The following CUX1 variants were observed in gnomAD, a reference collection of about 807,000 sequenced individuals.
CUX1 encodes protein CASP.
A neutral mutation model predicts 158.8 loss-of-function variants in CUX1; 31 were observed. The observed-to-expected ratio is 0.20, with a 90% confidence interval of 0.15 to 0.26. The LOEUF is 0.26. Among genes scored for constraint, CUX1 ranks in the 10% least tolerant of loss-of-function variants. CUX1 has a pLI of 1.00. For synonymous variants in CUX1, 879 were observed against 862.1 expected (o/e 1.02, Z -0.34); for missense variants, 1,589 against 2,014.6 (o/e 0.79, Z 4.04).
intron 3 of CUX1, among the ~76,000 whole-genome samples, chr7:102,050,509 C>T (rs1211732020): frequency 2.0e-5 from 3 of 152,128 alleles, no homozygotes; most frequent in African/African-American, 2.4e-5. Flanking sequence ...CGTCATCCAA[C>T]GCCAGGCCTC....
At chr7:101,844,488 T>G (rs1490051463) in intron 1 of CUX1, among the ~76,000 whole-genome samples, 1 of 152,238 alleles carries the variant, frequency 6.6e-6, no homozygotes, top group Non-Finnish European at 1.5e-5. Context: ...GTTTTCTTTT[T>G]GCACAGAGAG....
At chr7:101,823,917 A>C (rs1361281227) in intron 1 of CUX1, among the ~76,000 whole-genome samples, 4 of 152,092 alleles carry the variant, frequency 2.6e-5, no homozygotes, top group Non-Finnish European at 5.9e-5. Flanking sequence ...GCATATGAAA[A>C]AACCAAACCA....
At position 102,111,706 on chromosome 7, in the gene CUX1, A is replaced by C; in HGVS notation, c.539A>C (p.Gln180Pro). Residue 180 changes from glutamine to proline, a missense_variant, in exon 7 of 24, where the codon CAG becomes CCG. Transcript: ENST00000292535. ...GTCCTCTTCCTTTGCAGAAAGCTGC[A>C]GGAGACACAGATGTCCACCACCTCA... ...NDFAEKERKL[Q>P]ETQMSTTSKL... The C allele has an allele frequency of 1.2e-6, 2 of 1,614,200 alleles. No homozygotes were observed. The highest frequency in any genetic ancestry group is 1.7e-6 in the Non-Finnish European group (2 of 1,180,016).
intron 23 of CUX1, 60 bp downstream of exon 23, chr7:102,239,644 G>A (rs1466115887): frequency 3.9e-6 from 6 of 1,552,638 alleles, no homozygotes; most frequent in African/African-American, 2.7e-5. Context: ...TGATCTGTCC[G>A]GAGGCCGCCA....
intron 22 of CUX1, among the ~76,000 whole-genome samples, chr7:102,236,841 C>T (rs1799618449): frequency 6.6e-6 from 1 of 152,218 alleles, no homozygotes; most frequent in Non-Finnish European, 1.5e-5. Flanking sequence ...CCAGGCCTCC[C>T]ATCTTTCCCT....
At chr7:101,988,220 AAG>A (rs1554442753) in intron 2 of CUX1, among the ~76,000 whole-genome samples, 18 of 146,936 alleles carry the variant, frequency 1.2e-4, no homozygotes, top group African/African-American at 2.5e-4. Flanking sequence ...CAAAAAAAAA[AAG>A]AAGAAGAAGC....
chr7:101,892,256 G>A lies in CUX1; in HGVS notation c.31-23859G>A, dbSNP rs971442468. Among the ~76,000 whole-genome samples, 188 of 152,160 alleles carry A rather than the reference G, an allele frequency of 1.2e-3. 4 individuals carry two copies. The highest frequency in any genetic ancestry group is 0.012 in the Admixed American group (186 of 15,274). On this transcript the variant is annotated intron_variant, in intron 1 of 23. Transcript: ENST00000292535. ...GTATCGTTCCTTTTTCTCCCATTTG[G>A]TGAAGTGGTGTAATGCTTTAGCACA...
Position 102,195,507 on chromosome 7 carries a change from G to T in CUX1, c.1126G>T (p.Asp376Tyr), listed in dbSNP as rs1554517985. 1 of 1,611,092 alleles carries T rather than the reference G, an allele frequency of 6.2e-7. No homozygotes were observed. Among genetic ancestry groups the T allele is most frequent in the Non-Finnish European group, 8.5e-7 (1 of 1,179,558 alleles). ...FAPSEGAGTQ[D>Y]AAKPLEVLLL... Reference sequence around the variant, plus strand: ...GAGACCCCCGCTCTGCCCCTTCTAGGATGCGGCCAAGCCCCTGGAGGTGCT... The same window carrying T: ...GAGACCCCCGCTCTGCCCCTTCTAGTATGCGGCCAAGCCCCTGGAGGTGCT... The change falls in exon 14 of 24, where the codon GAT (aspartate) becomes TAT (tyrosine). Residue 376 changes from aspartate (D) to tyrosine (Y), a missense_variant and splice_region_variant. Transcript: ENST00000292535.
intron 8 of CUX1, among the ~76,000 whole-genome samples, chr7:102,149,035 C>T (rs1554502840): frequency 6.6e-6 from 1 of 152,046 alleles, no homozygotes; most frequent in Non-Finnish European, 1.5e-5. Context: ...AGTATTCTGT[C>T]GTGAGATAAG....
rs1554541043 is a variant in CUX1, at chr7:102,253,830, G to A, written c.*4788G>A. On this transcript the variant is annotated 3_prime_UTR_variant, in exon 24 of 24. Transcript: ENST00000292535. ...CGGTGGGCGTGCTGGGCTATTTGCTGTGGTACTTTAGGCTGGAGGTTTGGC... is the reference window on the plus strand; with the variant it reads ...CGGTGGGCGTGCTGGGCTATTTGCTATGGTACTTTAGGCTGGAGGTTTGGC... 3 of 985,660 alleles carry A rather than the reference G, an allele frequency of 3.0e-6. No individual in the cohort carries two copies. The highest frequency in any genetic ancestry group is 3.5e-5 in the African/African-American group (2 of 57,264). The allele number at this position is 985,660 out of a possible 1,614,324, so 61.1% of individuals were successfully genotyped here.
intron 1 of CUX1, among the ~76,000 whole-genome samples, chr7:101,858,153 T>A (rs1797082574): frequency 6.6e-6 from 1 of 152,148 alleles, no homozygotes; most frequent in African/African-American, 2.4e-5. Context: ...ATACTATTTT[T>A]GTTGTTTCTG....
At chr7:102,045,451 G>A (rs562113020) in intron 3 of CUX1, among the ~76,000 whole-genome samples, 2 of 152,352 alleles carry the variant, frequency 1.3e-5, no homozygotes, top group South Asian at 2.1e-4. Flanking sequence ...CGCCCCCTCC[G>A]ATGTGGGCTG....
At chr7:102,076,604 C>T (rs1409877517) in intron 4 of CUX1, among the ~76,000 whole-genome samples, 1 of 151,996 alleles carries the variant, frequency 6.6e-6, no homozygotes, top group Non-Finnish European at 1.5e-5. Flanking sequence ...ATGCCTGAGA[C>T]CCCAGCACCC....
rs142545510 is a variant in CUX1, at chr7:101,926,497, C to T, written c.141+10272C>T. Reference sequence around the variant, plus strand: ...GGGCCTGTAGGGAAGAGGAGGTTGCCTGGGCCCAGGGACATTGAATGCTAG... The same window carrying T: ...GGGCCTGTAGGGAAGAGGAGGTTGCTTGGGCCCAGGGACATTGAATGCTAG... On this transcript the variant is annotated intron_variant, in intron 2 of 23. Coordinates refer to ENST00000292535, the MANE Select transcript of CUX1 (RefSeq NM_181552.4). Among the ~76,000 whole-genome samples, 490 of 152,262 alleles carry T rather than the reference C, an allele frequency of 3.2e-3. 7 individuals are homozygous for T. Among genetic ancestry groups the T allele is most frequent in the African/African-American group, 0.012 (478 of 41,554 alleles).
In CUX1 at chr7:102,267,817, C is replaced by T. The variant is rs117134304; in HGVS notation, c.1256-5549C>T. On this transcript the variant is annotated intron_variant, in intron 14 of 22. Transcript: ENST00000292538. ...GAGTAGCTGGGACCACAGGTGCACA[C>T]CACCATGCCCGGCTAAGTTTTGTAT... 8.6e-3 allele frequency among the ~76,000 whole-genome samples: 1,303 copies of T among 152,260 alleles called. 11 individuals carry two copies. The highest frequency in any genetic ancestry group is 0.013 in the Admixed American group (196 of 15,272).
chr7:101,917,988 A>G (rs954772485), intron 2 of CUX1, among the ~76,000 whole-genome samples: 3 of 152,228 alleles, frequency 2.0e-5, no homozygotes, highest in Non-Finnish European at 2.9e-5. Context: ...GGTAAAAAGA[A>G]AAAAGAAAAC....
intron 1 of CUX1, among the ~76,000 whole-genome samples, chr7:101,911,983 T>G (rs940273770): frequency 1.3e-5 from 2 of 152,314 alleles, no homozygotes; most frequent in East Asian, 3.9e-4. Context: ...AAAGTTTCTG[T>G]CTCAGCCTCG....
chr7:102,104,097 A>G (rs1830082755), intron 5 of CUX1, among the ~76,000 whole-genome samples: 1 of 152,126 alleles, frequency 6.6e-6, no homozygotes, highest in African/African-American at 2.4e-5. Flanking sequence ...TACAGAAACC[A>G]AAGCTCTTCT....
chr7:101,976,702 C>G (rs1812724579), intron 2 of CUX1, among the ~76,000 whole-genome samples: 1 of 152,078 alleles, frequency 6.6e-6, no homozygotes, highest in African/African-American at 2.4e-5. Flanking sequence ...TTGAAAAACT[C>G]TAAATTTACA....
Sources: allele counts gnomAD v4.1 joint callset (sites outside exome capture counted in the v4.1 genomes callset), GRCh38; gene constraint gnomAD v4.1.1; transcripts MANE v1.5; gene names NCBI Gene and HGNC (gene_info 2026-07-23, HGNC 2026-07-21).